ADAP1: variants seen among roughly 807,000 people sequenced by gnomAD.
ADAP1 encodes ArfGAP with dual PH domains 1.
In ADAP1, 31 loss-of-function variants were observed where a neutral mutation model predicts 54.9. The observed-to-expected ratio is 0.56, with a 90% CI of 0.42 to 0.76. The LOEUF (loss-of-function observed/expected upper bound fraction) is 0.76, where lower values mean the gene tolerates loss of function less well. ADAP1 is among the 30% of genes least tolerant of loss of function. ADAP1 has a pLI of 0.00. For missense variants in ADAP1, 535 were observed against 512.4 expected (o/e 1.04, Z -0.42); for synonymous variants, 313 against 202.6 (o/e 1.55, Z -4.63).
chr7:950,465 G>C, intron 1 of ADAP1, among the ~76,000 whole-genome samples: 1 of 133,408 alleles, frequency 7.5e-6, no homozygotes, highest in African/African-American at 3.0e-5. Context: ...CAGCCTGGGC[G>C]ACAGAATGAG....
intron 8 of ADAP1, among the ~76,000 whole-genome samples, chr7:899,841 TG>T (rs1261146031): frequency 6.6e-6 from 1 of 151,806 alleles, no homozygotes; most frequent in Admixed American, 6.6e-5. Flanking sequence ...TGGCAAGATG[TG>T]GGCCCCTGGC....
intron 1 of ADAP1, among the ~76,000 whole-genome samples, chr7:941,892 C>T (rs1309585444): frequency 6.6e-6 from 1 of 152,142 alleles, no homozygotes; most frequent in Non-Finnish European, 1.5e-5. Context: ...GTTTTCAGAA[C>T]TCATTAAAAA....
intron 1 of ADAP1, among the ~76,000 whole-genome samples, chr7:939,947 T>C (rs1343195916): frequency 2.0e-5 from 3 of 152,024 alleles, no homozygotes; most frequent in Non-Finnish European, 4.4e-5. Context: ...CCATTACTAA[T>C]ATAGCCTATC....
At chr7:902,963 C>A (rs929577355) in intron 6 of ADAP1, among the ~76,000 whole-genome samples, 1 of 152,178 alleles carries the variant, frequency 6.6e-6, no homozygotes, top group Non-Finnish European at 1.5e-5. Context: ...GCCAGGTGAC[C>A]CCTTTCCCTC....
chr7:935,085 C>G (rs1299914653), intron 2 of ADAP1: 6 of 556,392 alleles, frequency 1.1e-5, no homozygotes, highest in South Asian at 4.6e-5. Context: ...GGGGAGCACT[C>G]CGGAGCTCCC....
intron 4 of ADAP1, among the ~76,000 whole-genome samples, chr7:911,468 C>A (rs1335243338): frequency 6.6e-6 from 1 of 152,196 alleles, no homozygotes; most frequent in Non-Finnish European, 1.5e-5. Context: ...CCCTGAGGCC[C>A]CCACACAGGG....
chr7:906,810 G>GGACATGGGTGACACGGGT (rs1417356049), intron 4 of ADAP1, among the ~76,000 whole-genome samples: 3 of 143,830 alleles, frequency 2.1e-5, no homozygotes, highest in African/African-American at 7.9e-5. Context: ...GGACATGGGG[G>GGACATGGGTGACACGGGT]GACATGGGTC....
intron 4 of ADAP1, 53 bp from the exon 5 acceptor site, chr7:905,225 A>T (rs1845053371): frequency 7.1e-7 from 1 of 1,400,046 alleles, no homozygotes; most frequent in African/African-American, 1.5e-5. Flanking sequence ...GGGAGGAAAC[A>T]AAAGGAGTGA....
intron 4 of ADAP1, 193 bp from the exon 5 acceptor site, chr7:905,365 G>GAGAAAGGAGAAAGGGAAAGGAGAAAGGA (rs71020536): frequency 7.6e-6 from 1 of 131,338 alleles, no homozygotes; most frequent in African/African-American, 1.7e-4. Flanking sequence ...GCAGGGAAAG[G>GAGAAAGGAGAAAGGGAAAGGAGAAAGGA]GAAAGGGAAA....
intron 2 of ADAP1, among the ~76,000 whole-genome samples, chr7:929,246 C>T (rs76901069): frequency 3.3e-5 from 5 of 150,116 alleles, no homozygotes; most frequent in Non-Finnish European, 7.4e-5. Context: ...GAGCAGAGAT[C>T]GTGCCACAGC....
At chr7:904,348 TG>T in intron 5 of ADAP1, 76 bp from the exon 6 acceptor site, 1 of 1,505,970 alleles carries the variant, frequency 6.6e-7, no homozygotes, top group Non-Finnish European at 8.9e-7. Context: ...GCAGACCCTG[TG>T]GGTGCTGGCG....
In ADAP1 at chr7:945,681, C is replaced by T; in HGVS notation, c.82+8715G>A. 1 of 956,084 alleles carries T rather than the reference C, an allele frequency of 1.0e-6. No homozygotes were observed. Among genetic ancestry groups the T allele is most frequent in the Non-Finnish European group, 1.2e-6 (1 of 803,152 alleles). The allele number at this position is 956,084 out of a possible 1,614,324, so 59.2% of individuals were successfully genotyped here. On this transcript the variant is annotated intron_variant, in intron 1 of 10. Transcript: ENST00000265846. This position sits in a 1 kb window ranked among gnomAD's most constrained non-coding sequence, Gnocchi z 4.2. ...AACATCCAGGCTGCCAGCACCGTCT[C>T]CAGGAGCTGCCTCCTCCTCGGAGAC...
chr7:909,436 C>T (rs1454500869), intron 4 of ADAP1, among the ~76,000 whole-genome samples: 3 of 152,116 alleles, frequency 2.0e-5, no homozygotes, highest in African/African-American at 7.2e-5. Flanking sequence ...CCGGTCCTCC[C>T]GACAGCAGGC....
At position 945,994 on chromosome 7, in the gene ADAP1, C is replaced by A. The variant is rs1847127580; in HGVS notation, c.82+8402G>T. Among the ~76,000 whole-genome samples the A allele has an allele frequency of 6.6e-6, 1 of 152,128 alleles. No homozygotes were observed. The highest frequency in any genetic ancestry group is 2.1e-4 in the South Asian group (1 of 4,836). On this transcript the variant is annotated intron_variant, in intron 1 of 10. Coordinates refer to ENST00000265846, the MANE Select transcript of ADAP1 (RefSeq NM_006869.4). This position sits in a 1 kb window ranked among gnomAD's most constrained non-coding sequence, Gnocchi z 4.2. ...CAAGGCTGACGCACAGCAGAGATCC[C>A]GGTGCAATCGAGGCCGGGTCGGACG...
At chr7:907,942 G>C (rs565409297) in intron 4 of ADAP1, among the ~76,000 whole-genome samples, 94 of 151,886 alleles carry the variant, frequency 6.2e-4, no homozygotes, top group African/African-American at 2.2e-3. Flanking sequence ...GCCCCTCCAG[G>C]GGTCGCGGGG....
intron 1 of ADAP1, among the ~76,000 whole-genome samples, chr7:948,381 G>A (rs774879543): frequency 5.9e-5 from 9 of 152,010 alleles, no homozygotes; most frequent in South Asian, 2.1e-4. Context: ...ATGGTGGCCC[G>A]AGTTTCGGCT....
intron 6 of ADAP1, 49 bp from the exon 7 acceptor site, chr7:900,665 G>A (rs1554270323): frequency 1.4e-6 from 2 of 1,382,878 alleles, no homozygotes; most frequent in African/African-American, 1.5e-5. Context: ...CTGCAGCGCT[G>A]GGGTCCCCAC....
At chr7:899,903 G>A (rs770254604) in intron 8 of ADAP1, among the ~76,000 whole-genome samples, 199 bp downstream of exon 8, 10 of 152,234 alleles carry the variant, frequency 6.6e-5, no homozygotes, top group Non-Finnish European at 1.5e-4. Flanking sequence ...ACGTGAGCGG[G>A]CAGGGAGGGT....
At chr7:908,167 C>A (rs1227778894) in intron 4 of ADAP1, among the ~76,000 whole-genome samples, 1 of 152,126 alleles carries the variant, frequency 6.6e-6, no homozygotes, top group Non-Finnish European at 1.5e-5. Context: ...GGGCTCCAGG[C>A]GGGGCTAAAC....
Sources: gnomAD v4.1 joint callset for allele counts (sites outside exome capture counted in the v4.1 genomes callset) on GRCh38, gnomAD v4.1.1 for gene constraint, Gnocchi (gnomAD v3.1) non-coding constraint, MANE v1.5 for transcripts, NCBI Gene and HGNC (gene_info 2026-07-23, HGNC 2026-07-21) for gene names.